The following MAML3 variants were observed in gnomAD, a reference collection of about 807,000 sequenced individuals.
MAML3 encodes mastermind like transcriptional coactivator 3, also known as mastermind-like protein 3.
A neutral mutation model predicts 101.9 loss-of-function variants in MAML3; 27 were observed. The ratio of observed to expected loss-of-function variants is 0.27; its 90% CI spans 0.20 to 0.37. The LOEUF (loss-of-function observed/expected upper bound fraction) is 0.37. Among genes scored for constraint, MAML3 ranks in the 10% least tolerant of loss-of-function variants. The pLI, the probability that MAML3 is intolerant of heterozygous loss-of-function variation, is 1.00. For synonymous variants in MAML3, 501 were observed against 555.9 expected, an observed-to-expected ratio of 0.90 and a Z score of 1.39; for missense variants, 1,316 against 1,444.9, an observed-to-expected ratio of 0.91 and a Z score of 1.45.
chr4:140,082,584 G>A (rs1216376695), intron 1 of MAML3, among the ~76,000 whole-genome samples: 1 of 152,096 alleles, frequency 6.6e-6, no homozygotes, highest in Non-Finnish European at 1.5e-5. Flanking sequence ...CATGGCCTTT[G>A]CAGTCCCCAG....
intron 1 of MAML3, among the ~76,000 whole-genome samples, chr4:140,090,627 A>G (rs546798669): frequency 1.1e-4 from 16 of 152,356 alleles, no homozygotes; most frequent in African/African-American, 3.6e-4. Flanking sequence ...GCAAACCTAG[A>G]CAGTCTAACT....
chr4:139,943,928 C>T lies in MAML3; in HGVS notation c.469-52961G>A, dbSNP rs373258249. ...TTCTGTCGCCCAGGCTGGAGTGCAGCGGTGCAATCTCAGCTCACTGCAACC... is the reference window on the plus strand; with the variant it reads ...TTCTGTCGCCCAGGCTGGAGTGCAGTGGTGCAATCTCAGCTCACTGCAACC... On this transcript the variant is annotated intron_variant, in intron 1 of 4. Coordinates refer to ENST00000509479, the MANE Select transcript of MAML3 (RefSeq NM_018717.5). Among the ~76,000 whole-genome samples, 107 of 127,454 alleles carry T rather than the reference C, an allele frequency of 8.4e-4. 1 individual carries two copies. The highest frequency in any genetic ancestry group is 3.2e-3 in the African/African-American group (102 of 32,088). 83.6% of individuals were successfully genotyped at this position (127,454 alleles called of 152,430 possible). A position where few individuals can be genotyped will look rare whatever the true frequency, so the allele number is the denominator to read the frequency against.
rs184358511 is a variant in MAML3 at position 139,937,442 on chromosome 4, G to T, written c.469-46475C>A. On this transcript the variant is annotated intron_variant, in intron 1 of 4. Transcript: ENST00000509479. ...CTTGCTCTGTCACCCAGGATAGTGT[G>T]GTGGTGCAATCTCAGCTCACTGCAA... 4.2e-3 allele frequency among the ~76,000 whole-genome samples: 641 copies of T among 151,092 alleles called. 7 individuals carry two copies. The highest frequency in any genetic ancestry group is 0.015 in the African/African-American group (603 of 41,146).
At chr4:139,793,947 A>C (rs540181278) in intron 2 of MAML3, among the ~76,000 whole-genome samples, 1 of 152,228 alleles carries the variant, frequency 6.6e-6, no homozygotes, top group Admixed American at 6.5e-5. Flanking sequence ...AGCACTGTAC[A>C]TCTTGGCTAC....
chr4:139,802,630 C>T (rs1273291560), intron 2 of MAML3, among the ~76,000 whole-genome samples: 1 of 151,970 alleles, frequency 6.6e-6, no homozygotes, highest in Non-Finnish European at 1.5e-5. Flanking sequence ...GAGCAGGCTT[C>T]CCTGAGTGCC....
At chr4:139,874,960 C>A (rs565593900) in intron 2 of MAML3, among the ~76,000 whole-genome samples, 1 of 151,998 alleles carries the variant, frequency 6.6e-6, no homozygotes, top group Non-Finnish European at 1.5e-5. Context: ...TCTGCCACCA[C>A]GCCCGGCTAA....
intron 1 of MAML3, among the ~76,000 whole-genome samples, chr4:139,926,010 A>T (rs1039685852): frequency 1.3e-5 from 2 of 152,182 alleles, no homozygotes; most frequent in African/African-American, 4.8e-5. Context: ...GGTGATGGGA[A>T]GGTCCAGAAA....
chr4:139,793,203 C>G (rs1434559142), intron 2 of MAML3, among the ~76,000 whole-genome samples: 1 of 152,136 alleles, frequency 6.6e-6, no homozygotes, highest in Non-Finnish European at 1.5e-5. Context: ...GCCCCTCTAC[C>G]TTAAATTTAG....
intron 2 of MAML3, among the ~76,000 whole-genome samples, chr4:139,841,086 C>G (rs1316206533): frequency 6.6e-6 from 1 of 152,136 alleles, no homozygotes; most frequent in Admixed American, 6.5e-5. Context: ...TGGCTTCCAG[C>G]ATTATAAGGG....
intron 1 of MAML3, among the ~76,000 whole-genome samples, chr4:139,963,288 A>T (rs1362112339): frequency 2.6e-5 from 4 of 152,212 alleles, no homozygotes; most frequent in Non-Finnish European, 4.4e-5. Flanking sequence ...ACAAACACAC[A>T]GACAAATCTC....
intron 2 of MAML3, among the ~76,000 whole-genome samples, chr4:139,747,349 A>G (rs1045905976): frequency 1.3e-5 from 2 of 152,210 alleles, no homozygotes; most frequent in African/African-American, 4.8e-5. Flanking sequence ...TAGCATCTGC[A>G]TGCATCTCTT....
In MAML3 at chr4:139,920,502, A is replaced by G. The variant is rs184741317; in HGVS notation, c.469-29535T>C. On this transcript the variant is annotated intron_variant, in intron 1 of 4. Coordinates refer to ENST00000509479, the MANE Select transcript of MAML3 (RefSeq NM_018717.5). The stretch of plus-strand genomic sequence containing the variant: ...GTAGAAATAAGAACTCCCCAAAACA[A>G]AAAGGCAGAAAAAGAATATTCTCAA... Among the ~76,000 whole-genome samples, 9 of 152,344 alleles carry G rather than the reference A, an allele frequency of 5.9e-5. No individual in the cohort carries two copies. In the East Asian group the frequency reaches 9.6e-4, roughly 16 times the overall value.
At chr4:139,730,300 T>C (rs1456242788) in intron 3 of MAML3, 116 bp downstream of exon 3, 1 of 904,992 alleles carries the variant, frequency 1.1e-6, no homozygotes, top group South Asian at 1.6e-5. Context: ...TGGGAAATGC[T>C]AGACCGTGAG....
chr4:140,060,067 T>C (rs939187232), intron 1 of MAML3, among the ~76,000 whole-genome samples: 2 of 152,008 alleles, frequency 1.3e-5, no homozygotes, highest in African/African-American at 4.8e-5. Flanking sequence ...ATAGAGCCAT[T>C]AGAAGCTACA....
intron 2 of MAML3, among the ~76,000 whole-genome samples, chr4:139,873,444 G>A (rs1235697759): frequency 6.6e-6 from 1 of 152,168 alleles, no homozygotes; most frequent in Non-Finnish European, 1.5e-5. Flanking sequence ...CCACAAATAT[G>A]TTCACAAATT....
At chr4:140,023,783 G>A (rs987667220) in intron 1 of MAML3, among the ~76,000 whole-genome samples, 2 of 152,120 alleles carry the variant, frequency 1.3e-5, no homozygotes, top group Admixed American at 6.5e-5. Context: ...TTGAAATGCT[G>A]TTAATTCTGA....
At chr4:139,883,288 T>G (rs1245611314) in intron 2 of MAML3, among the ~76,000 whole-genome samples, 1 of 152,176 alleles carries the variant, frequency 6.6e-6, no homozygotes, top group African/African-American at 2.4e-5. Context: ...TTGAATGTTT[T>G]ACATGGTCAG....
chr4:139,983,206 G>A (rs28627859), intron 1 of MAML3, among the ~76,000 whole-genome samples: 3,699 of 152,156 alleles, frequency 0.024, 146 homozygotes, highest in African/African-American at 0.082. Flanking sequence ...CCTTTAGGGC[G>A]TTATACAGAG....
chr4:139,866,637 C>A (rs1449226432), intron 2 of MAML3, among the ~76,000 whole-genome samples: 1 of 152,112 alleles, frequency 6.6e-6, no homozygotes, highest in African/African-American at 2.4e-5. Flanking sequence ...TTTATTGATT[C>A]TTCTCTCTTC....
Sources: gnomAD v4.1 joint callset for allele counts (sites outside exome capture counted in the v4.1 genomes callset) on GRCh38, gnomAD v4.1.1 for gene constraint, MANE v1.5 for transcripts, NCBI Gene and HGNC (gene_info 2026-07-23, HGNC 2026-07-21) for gene names.